Variants in TCF4 observed in about 807,000 individuals in gnomAD.
TCF4 encodes transcription factor 4, also known as SL3-3 enhancer factor 2.
In TCF4, 3 loss-of-function variants were observed where a neutral mutation model predicts 82.1. The observed-to-expected ratio is 0.04, with a 90% confidence interval of 0.02 to 0.09. TCF4 has a LOEUF of 0.09. TCF4 is among the 10% of genes least tolerant of loss of function. TCF4 has a pLI of 1.00. For synonymous variants in TCF4, 276 were observed against 309.6 expected, an observed-to-expected ratio of 0.89 and a Z score of 1.14; for missense variants, 518 against 852.7, an observed-to-expected ratio of 0.61 and a Z score of 4.89.
intron 15 of TCF4, among the ~76,000 whole-genome samples, chr18:55,243,414 A>T (rs558830366): frequency 1.8e-4 from 27 of 152,226 alleles, no homozygotes; most frequent in African/African-American, 6.3e-4. Flanking sequence ...CAAATGATTC[A>T]CTCTTATTTA....
At chr18:55,359,851 T>A (rs2084633352) in intron 6 of TCF4, among the ~76,000 whole-genome samples, 1 of 152,256 alleles carries the variant, frequency 6.6e-6, no homozygotes, top group Non-Finnish European at 1.5e-5. Context: ...GAACTTGTAA[T>A]GTCTGTGAGG....
intron 3 of TCF4, among the ~76,000 whole-genome samples, chr18:55,520,207 C>A (rs1174594476): frequency 6.6e-6 from 1 of 151,918 alleles, no homozygotes; most frequent in Admixed American, 6.6e-5. Context: ...TCAATTTATT[C>A]TTTCAAATTT....
intron 8 of TCF4, among the ~76,000 whole-genome samples, chr18:55,290,382 C>A (rs958619622): frequency 6.6e-6 from 1 of 152,128 alleles, no homozygotes; most frequent in Non-Finnish European, 1.5e-5. Context: ...AGTCACAAAC[C>A]CACTTTTCAT....
At chr18:55,399,886 A>T (rs1197004106) in intron 6 of TCF4, among the ~76,000 whole-genome samples, 4,406 of 116,054 alleles carry the variant, frequency 0.038, 90 homozygotes, top group African/African-American at 0.082. Flanking sequence ...TCTCTCACAC[A>T]CACACACACA....
chr18:55,497,553 C>T (rs1374980418), intron 3 of TCF4, among the ~76,000 whole-genome samples: 1 of 152,094 alleles, frequency 6.6e-6, no homozygotes, highest in South Asian at 2.1e-4. Flanking sequence ...TAGTTCAGAT[C>T]TTTTTAAACC....
At chr18:55,508,729 G>C (rs2096792125) in intron 3 of TCF4, among the ~76,000 whole-genome samples, 1 of 152,100 alleles carries the variant, frequency 6.6e-6, no homozygotes, top group Non-Finnish European at 1.5e-5. Context: ...TAAAATACCA[G>C]AAATCGGCAC....
intron 3 of TCF4, among the ~76,000 whole-genome samples, chr18:55,564,631 G>T (rs2097385563): frequency 6.6e-6 from 1 of 152,154 alleles, no homozygotes; most frequent in South Asian, 2.1e-4. Context: ...CCTAGGGAAG[G>T]TATACATTAA....
At chr18:55,588,706 T>C, upstream of TCF4, 1 of 1,312,218 alleles carries the variant, frequency 7.6e-7, no homozygotes, top group Non-Finnish European at 9.7e-7. Flanking sequence ...TATTTTTCTT[T>C]TTCGTCTATA....
intron 6 of TCF4, among the ~76,000 whole-genome samples, chr18:55,352,625 A>C (rs576389270): frequency 6.6e-6 from 1 of 152,312 alleles, no homozygotes; most frequent in South Asian, 2.1e-4. Flanking sequence ...AAAATCTGAC[A>C]TCTGCATGCT....
chr18:55,237,351 C>T (rs906809658), intron 15 of TCF4, among the ~76,000 whole-genome samples: 2 of 151,944 alleles, frequency 1.3e-5, no homozygotes, highest in African/African-American at 2.4e-5. Flanking sequence ...GTTCCAACTA[C>T]ATTTTTGTTT....
intron 15 of TCF4, among the ~76,000 whole-genome samples, chr18:55,241,983 A>G (rs1000629534): frequency 1.3e-5 from 2 of 152,050 alleles, no homozygotes; most frequent in African/African-American, 4.8e-5. Context: ...CTCACTATCA[A>G]TGTTCAATTA....
chr18:55,393,805 T>C (rs1213705892), intron 6 of TCF4, among the ~76,000 whole-genome samples: 1 of 152,254 alleles, frequency 6.6e-6, no homozygotes, highest in Non-Finnish European at 1.5e-5. Context: ...TTTAGTGATT[T>C]GTAATGTAAG....
At chr18:55,451,723 G>A (rs1285788607) in intron 5 of TCF4, among the ~76,000 whole-genome samples, 2 of 152,184 alleles carry the variant, frequency 1.3e-5, no homozygotes, top group African/African-American at 4.8e-5. Flanking sequence ...AACACAAAGT[G>A]TTTAATCGCA....
chr18:55,550,854 G>A (rs1453137963), intron 3 of TCF4: 1 of 151,948 alleles, frequency 6.6e-6, no homozygotes, highest in East Asian at 1.9e-4. Flanking sequence ...TCTGTTTAAC[G>A]TTTAGGGCTG....
chr18:55,378,453 C>T (rs1421776368), intron 6 of TCF4, among the ~76,000 whole-genome samples: 1 of 152,130 alleles, frequency 6.6e-6, no homozygotes, highest in African/African-American at 2.4e-5. Flanking sequence ...TTCTAAGTGT[C>T]TTACATACAT....
At chr18:55,386,611 T>C (rs1467745068) in intron 6 of TCF4, among the ~76,000 whole-genome samples, 12 of 152,128 alleles carry the variant, frequency 7.9e-5, no homozygotes, top group Non-Finnish European at 1.6e-4. Flanking sequence ...TAAAATAAAA[T>C]TCAAACAATA....
At chr18:55,381,981 G>A (rs9646596) in intron 6 of TCF4, among the ~76,000 whole-genome samples, 9,207 of 151,798 alleles carry the variant, frequency 0.061, 476 homozygotes, top group African/African-American at 0.14. Context: ...TGGACTAGGT[G>A]AGAATACTTC....
chr18:55,434,797 T>TGTGTGTGTGTGC (rs71167297), intron 5 of TCF4, among the ~76,000 whole-genome samples: 1 of 151,444 alleles, frequency 6.6e-6, no homozygotes, highest in Non-Finnish European at 1.5e-5. Flanking sequence ...TGTGTGTGTG[T>TGTGTGTGTGTGC]ATTTTAATTT....
intron 5 of TCF4, among the ~76,000 whole-genome samples, chr18:55,429,744 G>C (rs1368372640): frequency 9.7e-6 from 1 of 103,442 alleles, no homozygotes; most frequent in Non-Finnish European, 1.7e-5. Context: ...CAGCTTGGGG[G>C]ACAGAGCAAG....
Sources: gnomAD v4.1 joint callset for allele counts (sites outside exome capture counted in the v4.1 genomes callset) on GRCh38, gnomAD v4.1.1 for gene constraint, MANE v1.5 for transcripts, NCBI Gene and HGNC (gene_info 2026-07-23, HGNC 2026-07-21) for gene names.